Variants in CNOT4 observed in about 807,000 individuals in gnomAD.
The protein encoded by CNOT4 is CCR4-NOT transcription complex subunit 4, also known as CCR4-associated factor 4.
In CNOT4, 8 loss-of-function variants were observed where a neutral mutation model predicts 73.8. That is an observed-to-expected ratio of 0.11 (90% CI 0.06 to 0.20). The LOEUF is 0.20. Among genes scored for constraint, CNOT4 ranks in the 10% least tolerant of loss-of-function variants. The pLI, the probability that CNOT4 is intolerant of heterozygous loss-of-function variation, is 1.00. For synonymous variants in CNOT4, 293 were observed against 321.1 expected (o/e 0.91, Z 0.94); for missense variants, 564 against 883.4 (o/e 0.64, Z 4.58).
chr7:135,426,766 T>C (rs139661159), intron 2 of CNOT4, among the ~76,000 whole-genome samples: 313 of 150,580 alleles, frequency 2.1e-3, no homozygotes, highest in African/African-American at 7.3e-3. Flanking sequence ...CTACTAAAAA[T>C]ACAAAAATGA....
chr7:135,422,145 A>T lies in CNOT4; in HGVS notation c.372+11T>A. The stretch of plus-strand genomic sequence containing the variant: ...AAATATCAAGATGACAAAGAAAACA[A>T]GAGGACTTACCTCTGGGTCTGCTAG... On this transcript the variant is annotated intron_variant, in intron 3 of 11. Transcript: ENST00000541284. 1 of 1,553,804 alleles carries T rather than the reference A, an allele frequency of 6.4e-7. No homozygotes were observed. The highest frequency in any genetic ancestry group is 8.9e-7 in the Non-Finnish European group (1 of 1,128,574).
chr7:135,433,433 T>C (rs1230776572), intron 2 of CNOT4, among the ~76,000 whole-genome samples: 1 of 148,864 alleles, frequency 6.7e-6, no homozygotes. Context: ...CATGGCTCAC[T>C]GTAGCTTCAA....
chr7:135,506,473 C>T (rs959959470), intron 1 of CNOT4, among the ~76,000 whole-genome samples: 1 of 152,184 alleles, frequency 6.6e-6, no homozygotes, highest in East Asian at 1.9e-4. Context: ...CAAATTAAAA[C>T]CATTTTACTT....
At chr7:135,458,891 G>A (rs1800707094) in intron 1 of CNOT4, among the ~76,000 whole-genome samples, 1 of 151,908 alleles carries the variant, frequency 6.6e-6, no homozygotes, top group Non-Finnish European at 1.5e-5. Flanking sequence ...CCAAACCCCT[G>A]CTAATGTTGG....
At chr7:135,429,027 A>G (rs922456216) in intron 2 of CNOT4, among the ~76,000 whole-genome samples, 1 of 152,124 alleles carries the variant, frequency 6.6e-6, no homozygotes, top group African/African-American at 2.4e-5. Flanking sequence ...CTGTTATTCA[A>G]ATTCCCCATT....
intron 1 of CNOT4, among the ~76,000 whole-genome samples, chr7:135,473,356 G>C (rs1015182326): frequency 1.1e-4 from 16 of 151,808 alleles, no homozygotes; most frequent in African/African-American, 3.9e-4. Context: ...ATAATTTTTG[G>C]CTAAATAAAA....
In CNOT4 at chr7:135,479,198, A is replaced by ATTTTTT. The variant is rs61487024; in HGVS notation, c.-93+30685_-93+30690dup. On this transcript the variant is annotated intron_variant, in intron 1 of 11. Transcript: ENST00000541284. ...TCTCACCAAAGCCTATTAGAACCAA[A>ATTTTTT]TTTTTTTTTTTTTTTTTTTTTTTTT... 5.2e-4 allele frequency among the ~76,000 whole-genome samples: 47 copies of ATTTTTT among 89,870 alleles called. 3 individuals are homozygous for ATTTTTT. The highest frequency in any genetic ancestry group is 1.2e-3 in the South Asian group (3 of 2,514). 59.0% of individuals were successfully genotyped at this position (89,870 alleles called of 152,430 possible).
In CNOT4 at chr7:135,387,622, T is replaced by C. The variant is rs892568601; in HGVS notation, c.1627+6296A>G. On this transcript the variant is annotated intron_variant, in intron 10 of 11. Transcript: ENST00000541284. ...TTAAAATCTCAAGAGGAGGTGTGAC[T>C]TTCCCTTTCTTCCCAGATGCTTCAT... The C allele has an allele frequency of 9.2e-6, 9 of 983,300 alleles. No homozygotes were observed. The African/African-American group carries it at 1.6e-4, about 17-fold the overall frequency. 60.9% of individuals were successfully genotyped at this position (983,300 alleles called of 1,614,324 possible). A position where few individuals can be genotyped will look rare whatever the true frequency, so the allele number is the denominator to read the frequency against.
Position 135,452,877 on chromosome 7 carries a change from T to C in CNOT4, c.-92-14454A>G, listed in dbSNP as rs571751724. On this transcript the variant is annotated intron_variant, in intron 1 of 11. Coordinates refer to ENST00000541284, the MANE Select transcript of CNOT4 (RefSeq NM_001190850.2). ...TAAAGGCTAAGCCCGATGAAAGTGT[T>C]ATTAATAGGTAAAATCAAATCTGCA... Among the ~76,000 whole-genome samples, 8 of 152,306 alleles carry C rather than the reference T, an allele frequency of 5.3e-5. 1 individual carries two copies. The South Asian group carries it at 1.7e-3, about 32-fold the overall frequency.
At chr7:135,440,810 T>C (rs995593813) in intron 1 of CNOT4, among the ~76,000 whole-genome samples, 81 of 152,128 alleles carry the variant, frequency 5.3e-4, no homozygotes, top group African/African-American at 2.0e-3. Flanking sequence ...TCCCAGCTAC[T>C]TGGGAGGCTG....
intron 3 of CNOT4, among the ~76,000 whole-genome samples, chr7:135,418,068 A>G (rs78798582): frequency 6.6e-6 from 1 of 152,226 alleles, no homozygotes; most frequent in African/African-American, 2.4e-5. Context: ...TATTGCAGGT[A>G]CTCAATAAAT....
intron 10 of CNOT4, among the ~76,000 whole-genome samples, chr7:135,375,650 C>T (rs975750360): frequency 3.9e-5 from 6 of 152,108 alleles, no homozygotes; most frequent in Admixed American, 6.5e-5. Context: ...TAGGGCTGGG[C>T]GCGGTGGCTC....
intron 10 of CNOT4, chr7:135,387,896 C>T (rs1047649996): frequency 2.1e-6 from 2 of 963,966 alleles, no homozygotes; most frequent in Non-Finnish European, 2.5e-6. Flanking sequence ...TCATTCTGGT[C>T]AGGTACTTAT....
intron 6 of CNOT4, 70 bp downstream of exon 6, chr7:135,413,418 G>T: frequency 2.6e-6 from 4 of 1,544,858 alleles, no homozygotes; most frequent in Admixed American, 2.1e-5. Context: ...TTTTGCTTTT[G>T]CAATGTTAAC....
intron 3 of CNOT4, among the ~76,000 whole-genome samples, chr7:135,416,798 CTGT>C (rs1227307295): frequency 6.6e-6 from 1 of 152,126 alleles, no homozygotes; most frequent in Admixed American, 6.6e-5. Flanking sequence ...TTGGGAGAGA[CTGT>C]TAAAGTGACT....
intron 1 of CNOT4, among the ~76,000 whole-genome samples, chr7:135,455,402 T>C (rs1166261005): frequency 2.0e-5 from 3 of 152,168 alleles, no homozygotes; most frequent in Non-Finnish European, 4.4e-5. Flanking sequence ...ATATGGGTGC[T>C]AGTTTTACTA....
At chr7:135,365,845 G>C (rs1022551466) in intron 10 of CNOT4, among the ~76,000 whole-genome samples, 1 of 152,172 alleles carries the variant, frequency 6.6e-6, no homozygotes, top group Non-Finnish European at 1.5e-5. Flanking sequence ...ACAATCACTA[G>C]TTTCCCCCTG....
At chr7:135,502,051 T>TCTTGTTC in intron 1 of CNOT4, among the ~76,000 whole-genome samples, 1 of 152,184 alleles carries the variant, frequency 6.6e-6, no homozygotes, top group African/African-American at 2.4e-5. Context: ...TCTCTTGCTC[T>TCTTGTTC]TCTACCTTAC....
At chr7:135,469,507 G>C (rs942394399) in intron 1 of CNOT4, among the ~76,000 whole-genome samples, 2 of 152,022 alleles carry the variant, frequency 1.3e-5, no homozygotes, top group African/African-American at 4.8e-5. Context: ...AAGCAGTCAG[G>C]TGTAAAAATG....
Sources: gnomAD v4.1 joint callset for allele counts (sites outside exome capture counted in the v4.1 genomes callset) on GRCh38, gnomAD v4.1.1 for gene constraint, MANE v1.5 for transcripts, NCBI Gene and HGNC (gene_info 2026-07-23, HGNC 2026-07-21) for gene names.